Variants in DCC observed in about 807,000 individuals in gnomAD.
The protein encoded by DCC is netrin receptor DCC.
A neutral mutation model predicts 172.5 loss-of-function variants in DCC; 58 were observed. The observed-to-expected ratio is 0.34, with a 90% CI of 0.27 to 0.42. The LOEUF (loss-of-function observed/expected upper bound fraction) is 0.42. Ranked by LOEUF, DCC falls within the 10% of genes least tolerant of loss-of-function variation. The pLI, the probability that DCC is intolerant of heterozygous loss-of-function variation, is 1.00. For synonymous variants in DCC, 709 were observed against 644.5 expected, an observed-to-expected ratio of 1.10 and a Z score of -1.52; for missense variants, 1,740 against 1,791.0, an observed-to-expected ratio of 0.97 and a Z score of 0.51.
At chr18:52,713,362 C>T (rs2036327014) in intron 1 of DCC, among the ~76,000 whole-genome samples, 1 of 152,200 alleles carries the variant, frequency 6.6e-6, no homozygotes, top group South Asian at 2.1e-4. Context: ...AACCAGTGAC[C>T]TGTTCAAAAC....
chr18:52,640,817 T>C (rs9948223), intron 1 of DCC, among the ~76,000 whole-genome samples: 65,229 of 151,672 alleles, frequency 0.43, 14,266 homozygotes, highest in East Asian at 0.68. Flanking sequence ...TTCAATATAA[T>C]CCCCATCAAA....
intron 1 of DCC, among the ~76,000 whole-genome samples, chr18:52,648,243 A>T (rs1015261516): frequency 6.6e-5 from 10 of 152,180 alleles, no homozygotes; most frequent in Non-Finnish European, 1.5e-4. Flanking sequence ...GGTAGCTTGA[A>T]AACAGACTTG....
chr18:52,760,957 TA>T (rs912290199), intron 2 of DCC, among the ~76,000 whole-genome samples: 11 of 151,880 alleles, frequency 7.2e-5, no homozygotes, highest in Non-Finnish European at 1.3e-4. Flanking sequence ...TATCTCCCTG[TA>T]AAAAGTTATT....
At chr18:52,376,773 A>G (rs1985366221) in intron 1 of DCC, among the ~76,000 whole-genome samples, 1 of 152,218 alleles carries the variant, frequency 6.6e-6, no homozygotes, top group Non-Finnish European at 1.5e-5. Flanking sequence ...CACTTAGCAC[A>G]TGCTTTGAAT....
chr18:53,218,761 G>A (rs563986181), intron 12 of DCC, among the ~76,000 whole-genome samples: 69 of 152,092 alleles, frequency 4.5e-4, no homozygotes, highest in African/African-American at 1.6e-3. Context: ...GTTTTATTAG[G>A]AAAACTTTTT....
intron 2 of DCC, among the ~76,000 whole-genome samples, chr18:52,784,312 A>G (rs1238350124): frequency 2.0e-5 from 3 of 151,952 alleles, no homozygotes; most frequent in Admixed American, 6.6e-5. Flanking sequence ...TTCTTTATCC[A>G]TTTACTCGAT....
intron 2 of DCC, among the ~76,000 whole-genome samples, chr18:52,864,637 C>G (rs1449023321): frequency 1.5e-5 from 2 of 137,242 alleles, no homozygotes; most frequent in African/African-American, 5.4e-5. Context: ...ATCAACCTAT[C>G]AACAACAACT....
At chr18:52,407,331 A>G (rs942313297) in intron 1 of DCC, among the ~76,000 whole-genome samples, 2 of 152,140 alleles carry the variant, frequency 1.3e-5, no homozygotes, top group Non-Finnish European at 2.9e-5. Flanking sequence ...CAGTAAAACA[A>G]AAGATGAAAG....
intron 5 of DCC, among the ~76,000 whole-genome samples, chr18:52,989,913 G>A (rs890790227): frequency 2.6e-5 from 4 of 152,118 alleles, no homozygotes; most frequent in African/African-American, 9.7e-5. Flanking sequence ...CACTGCACAG[G>A]TAGAGACAGA....
intron 5 of DCC, among the ~76,000 whole-genome samples, chr18:52,957,636 A>G (rs892847825): frequency 3.3e-5 from 5 of 152,200 alleles, no homozygotes; most frequent in African/African-American, 1.2e-4. Flanking sequence ...GTATGTGTGA[A>G]CAGAGGAAGG....
rs191369187 is a variant in DCC, at chr18:52,395,249, G to A, written c.91+54371G>A. Among the ~76,000 whole-genome samples, 379 of 152,124 alleles carry A rather than the reference G, an allele frequency of 2.5e-3. 1 individual carries two copies. The highest frequency in any genetic ancestry group is 3.7e-3 in the Non-Finnish European group (254 of 67,982). ...ATGTTTAGATTGAAATTTACTATTGGCTAGGAAAGGAGGTGTTTATTGTGT... is the reference window on the plus strand; with the variant it reads ...ATGTTTAGATTGAAATTTACTATTGACTAGGAAAGGAGGTGTTTATTGTGT... On this transcript the variant is annotated intron_variant, in intron 1 of 28. Transcript: ENST00000442544.
In DCC at chr18:52,752,324, TAGG is replaced by T. The variant is rs1373068821; in HGVS notation, c.365_367del (p.Gly122del). ...GGACTTTACCAATGTGAGGCATCTT[TAGG>T]AGATTCTGGCTCAATTATTAGTCGG... On this transcript the variant is annotated inframe_deletion, in exon 2 of 29. Transcript: ENST00000442544. 1 of 1,614,194 alleles carries T rather than the reference TAGG, an allele frequency of 6.2e-7. No homozygotes were observed. Among genetic ancestry groups the T allele is most frequent in the Non-Finnish European group, 8.5e-7 (1 of 1,180,034 alleles).
At chr18:53,449,228 T>G (rs1463879582) in intron 22 of DCC, among the ~76,000 whole-genome samples, 1 of 152,234 alleles carries the variant, frequency 6.6e-6, no homozygotes, top group Admixed American at 6.5e-5. Flanking sequence ...TATAACCTAA[T>G]GTTTAATTTT....
rs115150438 is a variant in DCC at position 52,618,436 on chromosome 18, T to G, written c.92-133618T>G. On this transcript the variant is annotated intron_variant, in intron 1 of 28. Coordinates refer to ENST00000442544, the MANE Select transcript of DCC (RefSeq NM_005215.4). ...ATCGTATTTAACCAAAAAATGTCTCTCTCTAACTTCGACCCATTGGTCCCT... is the reference window on the plus strand; with the variant it reads ...ATCGTATTTAACCAAAAAATGTCTCGCTCTAACTTCGACCCATTGGTCCCT... Among the ~76,000 whole-genome samples, 874 of 152,298 alleles carry G rather than the reference T, an allele frequency of 5.7e-3. 10 individuals carry two copies. Among genetic ancestry groups the G allele is most frequent in the African/African-American group, 0.02 (832 of 41,568 alleles).
At chr18:53,264,817 T>C (rs2056653502) in intron 12 of DCC, among the ~76,000 whole-genome samples, 1 of 152,050 alleles carries the variant, frequency 6.6e-6, no homozygotes, top group Non-Finnish European at 1.5e-5. Flanking sequence ...CAATATGCCA[T>C]AAAGTCAAGC....
chr18:52,699,409 T>TC (rs777804525), intron 1 of DCC, among the ~76,000 whole-genome samples: 2 of 151,840 alleles, frequency 1.3e-5, no homozygotes, highest in African/African-American at 2.4e-5. Context: ...TTATCCCCTA[T>TC]CCCCCCCAAG....
At chr18:52,492,818 G>A (rs75034170) in intron 1 of DCC, among the ~76,000 whole-genome samples, 2 of 152,016 alleles carry the variant, frequency 1.3e-5, no homozygotes, top group Non-Finnish European at 2.9e-5. Context: ...TTTGGCTTTT[G>A]CCAGACATGG....
chr18:52,519,115 A>G (rs1024333258), intron 1 of DCC, among the ~76,000 whole-genome samples: 4 of 152,206 alleles, frequency 2.6e-5, no homozygotes, highest in Admixed American at 6.5e-5. Flanking sequence ...CAACTTTTCT[A>G]TTTATTAGCT....
chr18:52,511,092 T>G (rs983660574), intron 1 of DCC, among the ~76,000 whole-genome samples: 3 of 151,958 alleles, frequency 2.0e-5, no homozygotes, highest in African/African-American at 7.2e-5. Context: ...CTATCCTGAC[T>G]AACATGGTGA....
Sources: gnomAD v4.1 joint callset for allele counts (sites outside exome capture counted in the v4.1 genomes callset) on GRCh38, gnomAD v4.1.1 for gene constraint, MANE v1.5 for transcripts, NCBI Gene and HGNC (gene_info 2026-07-23, HGNC 2026-07-21) for gene names.